The following SIRPD variants were observed in gnomAD, a reference collection of about 807,000 sequenced individuals.
The protein encoded by SIRPD is signal-regulatory protein delta.
SIRPD carries 21 observed loss-of-function variants against 18.0 expected under a neutral mutation model. The observed-to-expected ratio is 1.17, with a 90% confidence interval of 0.83 to 1.68. The LOEUF (loss-of-function observed/expected upper bound fraction) is 1.68. Ranked by LOEUF, SIRPD falls within the 40% of genes most tolerant of loss-of-function variation. SIRPD has a pLI of 0.00. For synonymous variants in SIRPD, 106 were observed against 92.9 expected (o/e 1.14, Z -0.81); for missense variants, 295 against 238.4 (o/e 1.24, Z -1.56).
intron 1 of SIRPD, among the ~76,000 whole-genome samples, chr20:1,555,934 T>C (rs940140471): frequency 2.0e-5 from 3 of 152,162 alleles, no homozygotes; most frequent in Non-Finnish European, 4.4e-5. Context: ...TGGGGAAGTG[T>C]TCATTCTAAG....
Position 1,557,645 on chromosome 20 carries a change from G to A in SIRPD, c.9C>T (p.Ile3=). 2 of 1,611,318 alleles carry A rather than the reference G, an allele frequency of 1.2e-6. No homozygotes were observed. Among genetic ancestry groups the A allele is most frequent in the Non-Finnish European group, 8.5e-7 (1 of 1,178,760 alleles). The part of the protein sequence containing the change: MP[I]PASPLHPPLP... ...GAGGTGGGTGGAGTGGGGAGGCAGG[G>A]ATGGGCATTGTGGTGAAACCTGGAG... Residue 3 remains isoleucine (I), a synonymous_variant, in exon 1 of 4, where the codon ATC becomes ATT. Transcript: ENST00000381623.
rs549404746 is a variant in SIRPD at position 1,553,774 on chromosome 20, G to A, written c.74-1736C>T. On this transcript the variant is annotated intron_variant, in intron 1 of 3. Transcript: ENST00000381623. ...TAGCTTGATTCAGTATTTGGCACAGGTTGTCCAGAATGGCTTACTAGAAAG... is the reference window on the plus strand; with the variant it reads ...TAGCTTGATTCAGTATTTGGCACAGATTGTCCAGAATGGCTTACTAGAAAG... 9.2e-5 allele frequency among the ~76,000 whole-genome samples: 14 copies of A among 152,294 alleles called. No homozygotes were observed. In the South Asian group the frequency reaches 1.7e-3, roughly 18 times the overall value.
At chr20:1,554,179 G>C (rs1429023538) in intron 1 of SIRPD, 1 of 152,688 alleles carries the variant, frequency 6.5e-6, no homozygotes, top group African/African-American at 2.4e-5. Flanking sequence ...TGAACCACAA[G>C]ACAGGCCCTT....
intron 2 of SIRPD, among the ~76,000 whole-genome samples, chr20:1,548,692 T>C (rs1197183586): frequency 7.2e-5 from 11 of 152,160 alleles, no homozygotes; most frequent in Non-Finnish European, 4.4e-5. Context: ...TTTTGGTAAT[T>C]TTTATGTCTT....
chr20:1,557,566 T>C lies in SIRPD; in HGVS notation c.73+15A>G. ...GGGAGAACCCACCACACACATACAC[T>C]GAGGCCCCACTCACCTGCCAGTTCA... On this transcript the variant is annotated intron_variant, in intron 1 of 3. Coordinates refer to ENST00000381623, the MANE Select transcript of SIRPD (RefSeq NM_178460.3). 6.4e-7 allele frequency: 1 copy of C among 1,553,332 alleles called. No individual in the cohort carries two copies. The highest frequency in any genetic ancestry group is 8.7e-7 in the Non-Finnish European group (1 of 1,148,950).
intron 3 of SIRPD, 87 bp downstream of exon 3, chr20:1,537,068 C>A (rs951851659): frequency 1.3e-6 from 2 of 1,488,296 alleles, no homozygotes; most frequent in Non-Finnish European, 1.8e-6. Flanking sequence ...GAGATTCATC[C>A]GCCCCACTGC....
intron 2 of SIRPD, among the ~76,000 whole-genome samples, chr20:1,546,188 G>A (rs2090992954): frequency 1.3e-5 from 2 of 152,224 alleles, no homozygotes; most frequent in South Asian, 2.1e-4. Context: ...CGGCAGGCAG[G>A]AATGTTTAAG....
Position 1,543,924 on chromosome 20 carries a change from T to C in SIRPD, c.422-6614A>G, listed in dbSNP as rs192104075. 7.1e-3 allele frequency among the ~76,000 whole-genome samples: 1,088 copies of C among 152,336 alleles called. 14 individuals are homozygous for C. The highest frequency in any genetic ancestry group is 7.3e-3 in the Non-Finnish European group (500 of 68,028). ...TCAGTTTCCATGTAGATGTGCAGTT[T>C]TGAGTGAGTTTCTTAATCCTGAGTT... On this transcript the variant is annotated intron_variant, in intron 2 of 3. Coordinates refer to ENST00000381623, the MANE Select transcript of SIRPD (RefSeq NM_178460.3).
At chr20:1,539,192 T>C (rs530952662) in intron 2 of SIRPD, among the ~76,000 whole-genome samples, 1 of 152,218 alleles carries the variant, frequency 6.6e-6, no homozygotes, top group Non-Finnish European at 1.5e-5. Flanking sequence ...TAATTATTAT[T>C]TAGTCCAAAA....
Position 1,557,680 on chromosome 20 carries a change from C to A in SIRPD, c.-27G>T. The A allele has an allele frequency of 6.2e-7, 1 of 1,607,884 alleles. No individual in the cohort carries two copies. Among genetic ancestry groups the A allele is most frequent in the Non-Finnish European group, 8.5e-7 (1 of 1,176,272 alleles). Reference sequence around the variant, plus strand: ...GTGGTGAAACCTGGAGCTTGCTCTGCCTGAATGCCTGTCCTGGAGATGCCC... The same window carrying A: ...GTGGTGAAACCTGGAGCTTGCTCTGACTGAATGCCTGTCCTGGAGATGCCC... On this transcript the variant is annotated 5_prime_UTR_variant, in exon 1 of 4. Coordinates refer to ENST00000381623, the MANE Select transcript of SIRPD (RefSeq NM_178460.3).
At chr20:1,551,023 A>G (rs181116857) in intron 2 of SIRPD, among the ~76,000 whole-genome samples, 1 of 152,302 alleles carries the variant, frequency 6.6e-6, no homozygotes, top group East Asian at 1.9e-4. Flanking sequence ...AACACACTAC[A>G]ACACACTGTG....
rs948900823 is a variant in SIRPD, at chr20:1,540,405, G to A, written c.422-3095C>T. 8.4e-5 allele frequency: 37 copies of A among 440,392 alleles called. No individual in the cohort carries two copies. The Middle Eastern group carries it at 3.4e-3, about 41-fold the overall frequency. The allele number at this position is 440,392 out of a possible 1,614,324, so 27.3% of individuals were successfully genotyped here. On this transcript the variant is annotated intron_variant, in intron 2 of 3. Coordinates refer to ENST00000381623, the MANE Select transcript of SIRPD (RefSeq NM_178460.3). ...ACCATACAATTTACACATTTAAAAT[G>A]TACAATTCAATATTTGCAGATATTT...
rs565286748 is a variant in SIRPD at position 1,555,908 on chromosome 20, C to T, written c.73+1673G>A. Among the ~76,000 whole-genome samples, 14 of 152,318 alleles carry T rather than the reference C, an allele frequency of 9.2e-5. No homozygotes were observed. The South Asian group carries it at 1.5e-3, about 16-fold the overall frequency. Reference sequence around the variant, plus strand: ...CAAGGTGCCAGCTGGGCTGTGTTCTCATCTGGGGGTTTGACTGGGGAAGTG... The same window carrying T: ...CAAGGTGCCAGCTGGGCTGTGTTCTTATCTGGGGGTTTGACTGGGGAAGTG... On this transcript the variant is annotated intron_variant, in intron 1 of 3. Transcript: ENST00000381623.
In SIRPD at chr20:1,551,984, G is replaced by C; in HGVS notation, c.128C>G (p.Thr43Ser). The change falls in exon 2 of 4, where the codon ACT becomes AGT. Residue 43 changes from threonine to serine, a missense_variant. Thr to Ser is a moderately conservative substitution (Grantham distance 58). Transcript: ENST00000381623. Reference protein sequence around the residue: ...QQTEMSQTVSTGESIILSCSV... With the variant: ...QQTEMSQTVSSGESIILSCSV... ...GCAACTCAAGATGATTGACTCCCCA[G>C]TTGATACAGTCTGTGACATCTCCGT... The C allele has an allele frequency of 6.2e-7, 1 of 1,614,088 alleles. No homozygotes were observed. The highest frequency in any genetic ancestry group is 8.5e-7 in the Non-Finnish European group (1 of 1,179,978).
At chr20:1,540,096 T>C in intron 2 of SIRPD, 1 of 326,216 alleles carries the variant, frequency 3.1e-6, no homozygotes, top group Non-Finnish European at 6.1e-6. Flanking sequence ...GTTAAGAATC[T>C]GGTAGCTTAA....
chr20:1,538,744 G>GCAGC (rs1362422430), intron 2 of SIRPD, among the ~76,000 whole-genome samples: 1 of 152,184 alleles, frequency 6.6e-6, no homozygotes, highest in African/African-American at 2.4e-5. Flanking sequence ...CAGCTAAGAT[G>GCAGC]CAGCCAATAT....
chr20:1,557,618 C>A lies in SIRPD; in HGVS notation c.36G>T (p.Leu12=). 1 of 1,603,682 alleles carries A rather than the reference C, an allele frequency of 6.2e-7. No homozygotes were observed. The highest frequency in any genetic ancestry group is 1.1e-5 in the South Asian group (1 of 89,484). ...GCAGCAGATACAGCAGTAAGGAAGG[C>A]AGAGGTGGGTGGAGTGGGGAGGCAG... ...PIPASPLHPP[L]PSLLLYLLLE... is the part of the protein sequence containing the mutation. The change falls in exon 1 of 4, where the codon CTG becomes CTT. Residue 12 remains leucine (L), a synonymous_variant. Transcript: ENST00000381623.
At chr20:1,537,430 C>T in intron 2 of SIRPD, 120 bp from the exon 3 acceptor site, 1 of 1,195,438 alleles carries the variant, frequency 8.4e-7, no homozygotes, top group Non-Finnish European at 1.2e-6. Flanking sequence ...GAATCAGACA[C>T]AAGCTAATAA....
At chr20:1,538,946 GT>G (rs2090959680) in intron 2 of SIRPD, among the ~76,000 whole-genome samples, 1 of 152,140 alleles carries the variant, frequency 6.6e-6, no homozygotes, top group Non-Finnish European at 1.5e-5. Context: ...TTGACCTTGT[GT>G]TTTGGGGTGT....
Sources: allele counts gnomAD v4.1 joint callset (sites outside exome capture counted in the v4.1 genomes callset), GRCh38; gene constraint gnomAD v4.1.1; transcripts MANE v1.5; gene names NCBI Gene and HGNC (gene_info 2026-07-23, HGNC 2026-07-21).